The following GNB4 variants were observed in gnomAD, a reference collection of about 807,000 sequenced individuals.
GNB4 encodes guanine nucleotide-binding protein subunit beta-4.
In GNB4, 28 loss-of-function variants were observed where a neutral mutation model predicts 45.2. That is an observed-to-expected ratio of 0.62 (90% CI 0.46 to 0.85). GNB4 has a LOEUF of 0.85. GNB4 is among the 40% of genes least tolerant of loss of function. The pLI is 0.00. For missense variants in GNB4, 321 were observed against 425.4 expected, an observed-to-expected ratio of 0.75 and a Z score of 2.16; for synonymous variants, 132 against 143.7, an observed-to-expected ratio of 0.92 and a Z score of 0.58.
chr3:179,505,764 A>C, the GNB4 span, among the ~76,000 whole-genome samples: 316 of 152,318 alleles, frequency 2.1e-3, 4 homozygotes, highest in African/African-American at 7.3e-3. Flanking sequence ...ATATGACTTC[A>C]TCATTGCTCT....
Sources: gnomAD v4.1 joint callset for allele counts (sites outside exome capture counted in the v4.1 genomes callset) on GRCh38, gnomAD v4.1.1 for gene constraint, MANE v1.5 for transcripts, NCBI Gene and HGNC (gene_info 2026-07-23, HGNC 2026-07-21) for gene names.